Variants in METTL8 observed in about 807,000 individuals in gnomAD.
METTL8 encodes methyltransferase 8, tRNA N3-cytidine, also known as tRNA N(3)-cytidine methyltransferase METTL8, mitochondrial.
In METTL8, 32 loss-of-function variants were observed where a neutral mutation model predicts 48.7. The observed-to-expected ratio is 0.66, with a 90% CI of 0.50 to 0.88. The LOEUF (loss-of-function observed/expected upper bound fraction) is 0.88. Ranked by LOEUF, METTL8 falls within the 40% of genes least tolerant of loss-of-function variation. The probability of loss-of-function intolerance (pLI) is 0.00; values close to 1 mark genes in which losing one functional copy is unlikely to be tolerated. For missense variants in METTL8, 464 were observed against 474.4 expected, an observed-to-expected ratio of 0.98 and a Z score of 0.20; for synonymous variants, 136 against 157.1, an observed-to-expected ratio of 0.87 and a Z score of 1.01.
chr2:171,403,664 G>A (rs185467396), intron 1 of METTL8, among the ~76,000 whole-genome samples: 4 of 152,058 alleles, frequency 2.6e-5, no homozygotes, highest in African/African-American at 7.2e-5. Flanking sequence ...CAAGGGAGAC[G>A]GGGTATGGAC....
chr2:171,349,463 G>T (rs1207055365), intron 3 of METTL8, among the ~76,000 whole-genome samples: 1 of 152,058 alleles, frequency 6.6e-6, no homozygotes, highest in Admixed American at 6.6e-5. Flanking sequence ...CGTCCTCAAG[G>T]TCCATCCATG....
At chr2:171,398,193 C>A (rs1459934116) in intron 1 of METTL8, among the ~76,000 whole-genome samples, 1 of 152,142 alleles carries the variant, frequency 6.6e-6, no homozygotes, top group African/African-American at 2.4e-5. Flanking sequence ...TTTGTACACC[C>A]ATATTCATAG....
chr2:171,411,012 A>G (rs1690696523), intron 1 of METTL8, among the ~76,000 whole-genome samples: 1 of 152,188 alleles, frequency 6.6e-6, no homozygotes, highest in African/African-American at 2.4e-5. Context: ...ATTTAAATGG[A>G]ACATATACAG....
chr2:171,394,341 T>G (rs1379989455), intron 1 of METTL8, among the ~76,000 whole-genome samples: 1 of 151,840 alleles, frequency 6.6e-6, no homozygotes, highest in Non-Finnish European at 1.5e-5. Context: ...GGAATTTCAA[T>G]CCTTTAAATA....
At chr2:171,429,079 T>C (rs1692707317) in intron 1 of METTL8, among the ~76,000 whole-genome samples, 1 of 151,986 alleles carries the variant, frequency 6.6e-6, no homozygotes. Context: ...CTATGAGATT[T>C]CTGTAGGAGA....
At chr2:171,357,944 C>G (rs1684762389) in intron 3 of METTL8, among the ~76,000 whole-genome samples, 1 of 152,094 alleles carries the variant, frequency 6.6e-6, no homozygotes, top group Admixed American at 6.5e-5. Context: ...AATCCTCCAG[C>G]CTAGGTTTCC....
Position 171,389,568 on chromosome 2 carries a change from G to A in METTL8, c.143+2475C>T, listed in dbSNP as rs191921439. ...ATGCTGCTCCAGTGAATACATGAAT[G>A]AAAAGAAAGTGAAATAGCATTACTG... On this transcript the variant is annotated intron_variant, in intron 2 of 9. Transcript: ENST00000375258. 2.3e-3 allele frequency among the ~76,000 whole-genome samples: 298 copies of A among 127,898 alleles called. 3 individuals carry two copies. The highest frequency in any genetic ancestry group is 7.9e-3 in the African/African-American group (277 of 35,094). 83.9% of individuals were successfully genotyped at this position (127,898 alleles called of 152,430 possible).
rs555903432 is a variant in METTL8 at position 171,359,703 on chromosome 2, C to T, written c.235+719G>A. ...TCTCGGCTCACTGCAACCTCTGCCT[C>T]CTGAGTTCAAGCGATTCTCCTGCCT... On this transcript the variant is annotated intron_variant, in intron 3 of 9. Coordinates refer to ENST00000375258, the MANE Select transcript of METTL8 (RefSeq NM_001321154.2). Among the ~76,000 whole-genome samples, 24 of 150,192 alleles carry T rather than the reference C, an allele frequency of 1.6e-4. 2 individuals are homozygous for T. In the South Asian group the frequency reaches 4.9e-3, roughly 31 times the overall value.
chr2:171,387,555 T>A (rs200578179), intron 2 of METTL8, among the ~76,000 whole-genome samples: 4,667 of 150,250 alleles, frequency 0.031, 76 homozygotes, highest in East Asian at 0.05. Context: ...AAAAAAAAAT[T>A]TTTTTTTAAA....
rs753574475 is a variant in METTL8, at chr2:171,336,395, GCTT to G, written c.656+1055_656+1057del. On this transcript the variant is annotated intron_variant, in intron 5 of 9. Coordinates refer to ENST00000375258, the MANE Select transcript of METTL8 (RefSeq NM_001321154.2). ...CAGGCATGAGCCACCACGCCCGACT[GCTT>G]TTTTTTTTTTTTTTTTTTTTTTAGA... is the stretch of plus-strand genomic sequence containing the variant. Among the ~76,000 whole-genome samples, 8 of 107,798 alleles carry G rather than the reference GCTT, an allele frequency of 7.4e-5. No homozygotes were observed. In the Admixed American group the frequency reaches 8.9e-4, roughly 12 times the overall value. 70.7% of individuals were successfully genotyped at this position (107,798 alleles called of 152,430 possible).
chr2:171,395,360 A>G (rs1688956168), intron 1 of METTL8, among the ~76,000 whole-genome samples: 1 of 152,220 alleles, frequency 6.6e-6, no homozygotes, highest in Non-Finnish European at 1.5e-5. Flanking sequence ...AAACCCAACC[A>G]TATCAATACT....
intron 3 of METTL8, among the ~76,000 whole-genome samples, chr2:171,341,380 C>A (rs1289382094): frequency 6.6e-6 from 1 of 151,338 alleles, no homozygotes; most frequent in South Asian, 2.1e-4. Context: ...ATTTATTCAA[C>A]AAACATGTCT....
At chr2:171,392,555 G>T (rs531207184) in intron 1 of METTL8, among the ~76,000 whole-genome samples, 2 of 151,934 alleles carry the variant, frequency 1.3e-5, no homozygotes, top group African/African-American at 4.8e-5. Flanking sequence ...TTTTTGGGGG[G>T]TAATTCTAGG....
chr2:171,347,547 G>T (rs1250748195), intron 3 of METTL8, among the ~76,000 whole-genome samples: 2 of 152,090 alleles, frequency 1.3e-5, no homozygotes, highest in African/African-American at 4.8e-5. Flanking sequence ...AAAATCCTTG[G>T]TTTTTCATAT....
Position 171,356,952 on chromosome 2 carries a change from A to ATGTTTTTTGTTTTTT in METTL8, c.235+3469_235+3470insAAAAAACAAAAAACA. 1.0e-4 allele frequency among the ~76,000 whole-genome samples: 8 copies of ATGTTTTTTGTTTTTT among 78,488 alleles called. 1 individual carries two copies. Among genetic ancestry groups the ATGTTTTTTGTTTTTT allele is most frequent in the African/African-American group, 3.6e-4 (8 of 22,476 alleles). 51.5% of individuals were successfully genotyped at this position (78,488 alleles called of 152,430 possible). ...CAAATTAGCCTTGTTCAAAGACAAT[A>ATGTTTTTTGTTTTTT]TTTTTTTTTTTTTTTTTGAGACAGG... On this transcript the variant is annotated intron_variant, in intron 3 of 9. Coordinates refer to ENST00000375258, the MANE Select transcript of METTL8 (RefSeq NM_001321154.2).
At chr2:171,347,757 G>A (rs1683430623) in intron 3 of METTL8, among the ~76,000 whole-genome samples, 2 of 152,332 alleles carry the variant, frequency 1.3e-5, no homozygotes, top group African/African-American at 2.4e-5. Flanking sequence ...CAGTGTGACA[G>A]AGTTCCTGCA....
At chr2:171,353,853 C>T (rs1360359301) in intron 3 of METTL8, among the ~76,000 whole-genome samples, 1 of 152,096 alleles carries the variant, frequency 6.6e-6, no homozygotes, top group Non-Finnish European at 1.5e-5. Context: ...CTATGTGTGT[C>T]TCTGCACATG....
At chr2:171,408,257 A>G (rs1690387473) in intron 1 of METTL8, among the ~76,000 whole-genome samples, 1 of 151,296 alleles carries the variant, frequency 6.6e-6, no homozygotes, top group Non-Finnish European at 1.5e-5. Flanking sequence ...TAGAAATAGT[A>G]TTAGAAAATT....
At chr2:171,383,261 TTATTTAAGTGGGTTACA>T (rs1253344230) in intron 2 of METTL8, among the ~76,000 whole-genome samples, 2 of 152,312 alleles carry the variant, frequency 1.3e-5, no homozygotes, top group Non-Finnish European at 2.9e-5. Flanking sequence ...AAACTGTCTA[TTATTTAAGTGGGTTACA>T]TAATAGAAAT....
Sources: gnomAD v4.1 joint callset for allele counts (sites outside exome capture counted in the v4.1 genomes callset) on GRCh38, gnomAD v4.1.1 for gene constraint, MANE v1.5 for transcripts, NCBI Gene and HGNC (gene_info 2026-07-23, HGNC 2026-07-21) for gene names.